Variants in KDM1A observed in about 807,000 individuals in gnomAD.
KDM1A encodes the protein lysine demethylase 1A, also known as lysine-specific histone demethylase 1A.
Under a neutral mutation model 109.4 loss-of-function variants are expected in KDM1A, and 49 were observed. That is an observed-to-expected ratio of 0.45 (90% confidence interval 0.36 to 0.57). KDM1A has a LOEUF of 0.57. Among genes scored for constraint, KDM1A ranks in the 20% least tolerant of loss-of-function variants. The pLI, the probability that KDM1A is intolerant of heterozygous loss-of-function variation, is 0.00. For synonymous variants in KDM1A, 380 were observed against 415.4 expected, an observed-to-expected ratio of 0.91 and a Z score of 1.04; for missense variants, 668 against 1,116.6, an observed-to-expected ratio of 0.60 and a Z score of 5.73.
At chr1:23,071,929 C>T (rs1363549691) in intron 13 of KDM1A, among the ~76,000 whole-genome samples, 195 bp from the exon 14 acceptor site, 1 of 152,018 alleles carries the variant, frequency 6.6e-6, no homozygotes, top group Non-Finnish European at 1.5e-5. Flanking sequence ...CCTAATATTC[C>T]AGGCCCCCAA....
At chr1:23,032,358 CTTT>C (rs548990810) in intron 2 of KDM1A, among the ~76,000 whole-genome samples, 94 of 137,304 alleles carry the variant, frequency 6.8e-4, no homozygotes, top group African/African-American at 2.2e-3. Flanking sequence ...TTTCTGAAAG[CTTT>C]TTTTTTTTTT....
chr1:23,071,271 A>G lies in KDM1A; in HGVS notation c.1460A>G (p.Lys487Arg). ...EKIKELHQQYKEASEVKPPRD... is the reference protein window; with the variant it reads ...EKIKELHQQYREASEVKPPRD... ...ATTAAAGAACTCCATCAGCAATACA[A>G]AGAAGCATCTGAAGTAAAGCCACCC... The change falls in exon 13 of 21, where the codon AAA becomes AGA. Residue 487 changes from lysine to arginine, a missense_variant. Physicochemically the swap from Lys to Arg is conservative, Grantham distance 26 (BLOSUM62 2). This residue lies in a region of KDM1A where 62 missense variants were observed against 82.8 expected (regional missense o/e 0.75). Coordinates refer to ENST00000400181, the MANE Select transcript of KDM1A (RefSeq NM_001009999.3). 2 of 1,608,392 alleles carry G rather than the reference A, an allele frequency of 1.2e-6. No individual in the cohort carries two copies. Among genetic ancestry groups the G allele is most frequent in the East Asian group, 2.2e-5 (1 of 44,858 alleles).
chr1:23,045,482 T>G (rs556959194), intron 3 of KDM1A, among the ~76,000 whole-genome samples: 22 of 152,318 alleles, frequency 1.4e-4, no homozygotes, highest in African/African-American at 5.3e-4. Context: ...AGGTTGATAA[T>G]CAGTACATGG....
At chr1:23,076,622 A>C (rs1557594369) in intron 15 of KDM1A, among the ~76,000 whole-genome samples, 1 of 151,824 alleles carries the variant, frequency 6.6e-6, no homozygotes, top group Non-Finnish European at 1.5e-5. Context: ...CCACCTCCCT[A>C]CCCTAACCAC....
At chr1:23,081,634 A>G in intron 19 of KDM1A, 61 bp downstream of exon 19, 1 of 1,580,712 alleles carries the variant, frequency 6.3e-7, no homozygotes, top group Non-Finnish European at 8.7e-7. Context: ...GGTTTAATGT[A>G]TTTGCAGCAT....
chr1:23,044,324 G>A, intron 2 of KDM1A, 103 bp from the exon 3 acceptor site: 1 of 961,314 alleles, frequency 1.0e-6, no homozygotes, highest in South Asian at 1.4e-5. Context: ...GGGTTTACTA[G>A]TTGGTGGTGA....
In KDM1A at chr1:23,050,382, G is replaced by T; in HGVS notation, c.578-5G>T. On this transcript the variant is annotated splice_polypyrimidine_tract_variant and splice_region_variant and intron_variant, in intron 3 of 20. Coordinates refer to ENST00000400181, the MANE Select transcript of KDM1A (RefSeq NM_001009999.3). Reference sequence around the variant, plus strand: ...TTCCTAGATGTCCTTTGCTTTCTTCGTTAGGTGTGGAGGGCGCAGCTTTCC... The same window carrying T: ...TTCCTAGATGTCCTTTGCTTTCTTCTTTAGGTGTGGAGGGCGCAGCTTTCC... The T allele has an allele frequency of 6.3e-7, 1 of 1,598,130 alleles. No homozygotes were observed. The highest frequency in any genetic ancestry group is 1.1e-5 in the South Asian group (1 of 87,984).
intron 14 of KDM1A, among the ~76,000 whole-genome samples, chr1:23,072,627 C>A (rs1024132715): frequency 6.6e-6 from 1 of 152,084 alleles, no homozygotes; most frequent in Non-Finnish European, 1.5e-5. Context: ...CTGTTCTGTT[C>A]TGTATTCAAG....
chr1:23,058,702 G>A (rs932207740), intron 8 of KDM1A, among the ~76,000 whole-genome samples: 2 of 152,080 alleles, frequency 1.3e-5, no homozygotes, highest in African/African-American at 2.4e-5. Flanking sequence ...AATATTATAC[G>A]ATGAGAAATA....
intron 4 of KDM1A, 38 bp from the exon 5 acceptor site, chr1:23,053,723 T>C: frequency 7.6e-7 from 1 of 1,319,298 alleles, no homozygotes; most frequent in Admixed American, 1.7e-5. Flanking sequence ...AACATATGTC[T>C]ATTTGTATGT....
Position 23,030,595 on chromosome 1 carries a change from C to A in KDM1A, c.478C>A (p.Pro160Thr). 6.3e-7 allele frequency: 1 copy of A among 1,589,736 alleles called. No individual in the cohort carries two copies. The highest frequency in any genetic ancestry group is 8.5e-7 in the Non-Finnish European group (1 of 1,173,042). Residue 160 changes from proline (P) to threonine (T), a missense_variant, in exon 2 of 21, where the codon CCT becomes ACT. This residue lies in a region of KDM1A where 149 missense variants were observed against 189.7 expected (regional missense o/e 0.79). Transcript: ENST00000400181. ...KLPPPPPQAP[P>T]EEENESEPEE... Reference sequence around the variant, plus strand: ...TCCCCCACCACCCCCTCAAGCCCCACCTGAGGAAGAAAATGAAAGTGAGCC... The same window carrying A: ...TCCCCCACCACCCCCTCAAGCCCCAACTGAGGAAGAAAATGAAAGTGAGCC...
intron 2 of KDM1A, among the ~76,000 whole-genome samples, chr1:23,043,816 G>A (rs1177428028): frequency 6.6e-6 from 1 of 152,198 alleles, no homozygotes; most frequent in Non-Finnish European, 1.5e-5. Context: ...ACAAGTGTGT[G>A]TTTATCTACA....
At position 23,079,689 on chromosome 1, in the gene KDM1A, T is replaced by A. The variant is rs559141169; in HGVS notation, c.2170+22T>A. ...AAAGGTAAATGCCTTCTAATTTTAA[T>A]CTTTTCCATATCCTTACAGGAATAT... On this transcript the variant is annotated intron_variant, in intron 18 of 20. Transcript: ENST00000400181. The surrounding 1 kb of genome is among the most constrained non-coding windows in gnomAD (Gnocchi z 5.6). 6.9e-7 allele frequency: 1 copy of A among 1,451,194 alleles called. No individual in the cohort carries two copies. Among genetic ancestry groups the A allele is most frequent in the Admixed American group, 1.9e-5 (1 of 52,980 alleles). 89.9% of individuals were successfully genotyped at this position (1,451,194 alleles called of 1,614,324 possible).
chr1:23,029,188 C>T (rs964661370), intron 1 of KDM1A, among the ~76,000 whole-genome samples: 22 of 152,194 alleles, frequency 1.4e-4, no homozygotes, highest in African/African-American at 5.1e-4. Context: ...ATATCAAAGA[C>T]ATTTAGCAAG....
rs545318229 is a variant in KDM1A at position 23,036,034 on chromosome 1, T to G, written c.517+5400T>G. 5.3e-5 allele frequency among the ~76,000 whole-genome samples: 8 copies of G among 152,230 alleles called. No individual in the cohort carries two copies. The East Asian group carries it at 1.5e-3, about 29-fold the overall frequency. On this transcript the variant is annotated intron_variant, in intron 2 of 20. Transcript: ENST00000400181. The stretch of plus-strand genomic sequence containing the variant: ...GTCTGGTGGTTGCCAAGCACTGAGT[T>G]TGGCAGCATAGATAGTAATGGCCAG...
chr1:23,019,813 G>C lies in KDM1A; in HGVS notation c.217G>C (p.Gly73Arg), dbSNP rs1641556552. The C allele has an allele frequency of 3.5e-6, 5 of 1,415,296 alleles. No individual in the cohort carries two copies. In the South Asian group the frequency reaches 7.6e-5, roughly 22 times the overall value. The allele number at this position is 1,415,296 out of a possible 1,614,324, so 87.7% of individuals were successfully genotyped here. Residue 73 changes from glycine to arginine, a missense_variant, in exon 1 of 21, where the codon GGC (glycine) becomes CGC (arginine). Gly to Arg is a moderately radical substitution (Grantham distance 125). Around this residue, in one of 8 missense-constraint regions of KDM1A, gnomAD observed 156 missense variants for 163.4 expected, o/e 0.95. Coordinates refer to ENST00000400181, the MANE Select transcript of KDM1A (RefSeq NM_001009999.3). ...KEPPRASPPG[G>R]LAEPPGSAGP... is the part of the protein sequence containing the mutation. Reference sequence around the variant, plus strand: ...GCCTCCGCGGGCCTCGCCCCCCGGGGGCCTGGCGGAACCGCCGGGGTCCGC... The same window carrying C: ...GCCTCCGCGGGCCTCGCCCCCCGGGCGCCTGGCGGAACCGCCGGGGTCCGC...
At position 23,078,907 on chromosome 1, in the gene KDM1A, C is replaced by T. The variant is rs143158658; in HGVS notation, c.1868-83C>T. ...AAAATGAGAATTGAGAAATGGATGT[C>T]CATCTGTTGTACACTAAATGTTCAG... On this transcript the variant is annotated intron_variant, in intron 16 of 20. Transcript: ENST00000400181. 8 of 1,136,592 alleles carry T rather than the reference C, an allele frequency of 7.0e-6. No homozygotes were observed. The East Asian group carries it at 1.2e-4, about 17-fold the overall frequency. 70.4% of individuals were successfully genotyped at this position (1,136,592 alleles called of 1,614,324 possible).
intron 9 of KDM1A, among the ~76,000 whole-genome samples, chr1:23,063,198 G>GGGC (rs1553130161): frequency 4.3e-5 from 3 of 70,310 alleles, no homozygotes; most frequent in Non-Finnish European, 9.0e-5. Context: ...TGTAGCATTG[G>GGGC]GGGGGGGGTG....
intron 6 of KDM1A, 116 bp from the exon 7 acceptor site, chr1:23,055,816 T>C (rs1339137629): frequency 1.0e-5 from 5 of 486,216 alleles, no homozygotes; most frequent in Non-Finnish European, 1.8e-5. Flanking sequence ...TAACTCTCTG[T>C]ATTTTTTACT....
Sources: gnomAD v4.1 joint callset for allele counts (sites outside exome capture counted in the v4.1 genomes callset) on GRCh38, gnomAD v4.1.1 for gene constraint, gnomAD v4.1.1 regional missense constraint, Gnocchi (gnomAD v3.1) non-coding constraint, MANE v1.5 for transcripts, NCBI Gene and HGNC (gene_info 2026-07-23, HGNC 2026-07-21) for gene names.